Variants in FHIT observed in about 807,000 individuals in gnomAD.
The protein encoded by FHIT is fragile histidine triad diadenosine triphosphatase.
Under a neutral mutation model 17.9 loss-of-function variants are expected in FHIT, and 19 were observed. The observed-to-expected ratio is 1.06, with a 90% CI of 0.74 to 1.56. The LOEUF is 1.56. Ranked by LOEUF, FHIT falls within the 40% of genes most tolerant of loss-of-function variation. The pLI is 0.00. For synonymous variants in FHIT, 81 were observed against 69.7 expected (o/e 1.16, Z -0.81); for missense variants, 248 against 189.2 (o/e 1.31, Z -1.82).
intron 5 of FHIT, among the ~76,000 whole-genome samples, chr3:60,074,926 C>T (rs974772770): frequency 6.6e-6 from 1 of 152,052 alleles, no homozygotes; most frequent in Middle Eastern, 3.2e-3. Context: ...TGACACGTCT[C>T]CCTTTCACTG....
intron 2 of FHIT, among the ~76,000 whole-genome samples, chr3:61,059,059 C>T (rs1381372242): frequency 6.6e-6 from 1 of 152,182 alleles, no homozygotes; most frequent in Non-Finnish European, 1.5e-5. Context: ...CCAGGTTCCC[C>T]AATGTCTGGC....
chr3:60,064,898 C>T (rs1702436787), intron 5 of FHIT, among the ~76,000 whole-genome samples: 1 of 152,166 alleles, frequency 6.6e-6, no homozygotes, highest in African/African-American at 2.4e-5. Flanking sequence ...TCATAATCTT[C>T]CCATTGCATA....
intron 2 of FHIT, among the ~76,000 whole-genome samples, chr3:61,199,217 T>G (rs2038944133): frequency 6.6e-6 from 1 of 152,204 alleles, no homozygotes; most frequent in African/African-American, 2.4e-5. Context: ...GAAAATGGAC[T>G]GTGCCTGTGT....
intron 8 of FHIT, among the ~76,000 whole-genome samples, chr3:59,833,869 G>A (rs941173968): frequency 6.6e-6 from 1 of 152,106 alleles, no homozygotes; most frequent in African/African-American, 2.4e-5. Context: ...TGGCTTAAGT[G>A]TATGGCACTT....
chr3:61,233,076 G>A (rs368048173), intron 1 of FHIT, among the ~76,000 whole-genome samples: 1 of 152,170 alleles, frequency 6.6e-6, no homozygotes, highest in African/African-American at 2.4e-5. Flanking sequence ...ATATTGTTTT[G>A]TAAAAATAAA....
At chr3:60,550,178 C>G (rs2036498608) in intron 4 of FHIT, among the ~76,000 whole-genome samples, 2 of 152,260 alleles carry the variant, frequency 1.3e-5, no homozygotes, top group South Asian at 4.1e-4. Context: ...TCTGATCTGG[C>G]CCCGCTCTGA....
intron 8 of FHIT, among the ~76,000 whole-genome samples, chr3:59,915,133 G>A (rs1705069675): frequency 6.6e-6 from 1 of 152,152 alleles, no homozygotes; most frequent in Non-Finnish European, 1.5e-5. Flanking sequence ...CAGCAACAAG[G>A]ACACCTCGGA....
intron 3 of FHIT, among the ~76,000 whole-genome samples, chr3:60,993,469 C>T (rs187167923): frequency 6.6e-6 from 1 of 152,304 alleles, no homozygotes; most frequent in African/African-American, 2.4e-5. Context: ...CTCCTTCTTT[C>T]TGTGTGTTTA....
At chr3:61,066,157 C>A (rs1016455873) in intron 2 of FHIT, among the ~76,000 whole-genome samples, 1 of 152,110 alleles carries the variant, frequency 6.6e-6, no homozygotes, top group Non-Finnish European at 1.5e-5. Context: ...AATAGTGAAC[C>A]CATTAACATA....
chr3:60,910,472 C>T (rs924507188), intron 3 of FHIT, among the ~76,000 whole-genome samples: 5 of 149,492 alleles, frequency 3.3e-5, no homozygotes, highest in Non-Finnish European at 7.4e-5. Flanking sequence ...AGTGCAGTGG[C>T]GCAATCTTGG....
intron 3 of FHIT, among the ~76,000 whole-genome samples, chr3:61,014,219 C>T (rs999150406): frequency 3.0e-4 from 45 of 152,118 alleles, no homozygotes; most frequent in African/African-American, 1.1e-3. Context: ...TTAAAGATCC[C>T]TTCCAGCAAT....
chr3:60,037,088 G>A (rs948046615), intron 5 of FHIT, among the ~76,000 whole-genome samples: 2 of 152,174 alleles, frequency 1.3e-5, no homozygotes, highest in Non-Finnish European at 2.9e-5. Flanking sequence ...GTCACGGTCC[G>A]ACGTTAAGAC....
chr3:59,847,026 A>G (rs1207965457), intron 8 of FHIT, among the ~76,000 whole-genome samples: 2 of 152,172 alleles, frequency 1.3e-5, no homozygotes, highest in Non-Finnish European at 2.9e-5. Flanking sequence ...TCTGACTTTC[A>G]ATAGTAGTAT....
At chr3:59,752,963 T>A (rs1701002328) in intron 8 of FHIT, among the ~76,000 whole-genome samples, 1 of 152,146 alleles carries the variant, frequency 6.6e-6, no homozygotes, top group Non-Finnish European at 1.5e-5. Flanking sequence ...AGTGGGGGAA[T>A]GGGGAGCATT....
chr3:60,275,345 A>C (rs928289276), intron 5 of FHIT, among the ~76,000 whole-genome samples: 2 of 152,172 alleles, frequency 1.3e-5, no homozygotes, highest in Non-Finnish European at 1.5e-5. Flanking sequence ...ACTTTGTCTA[A>C]ACTCTTGTCC....
At chr3:60,110,823 C>T (rs971328571) in intron 5 of FHIT, among the ~76,000 whole-genome samples, 1 of 152,196 alleles carries the variant, frequency 6.6e-6, no homozygotes, top group African/African-American at 2.4e-5. Flanking sequence ...TTTCTTCCCA[C>T]TTTAGGACTT....
intron 9 of FHIT, chr3:59,750,840 G>C (rs1700856907): frequency 4.9e-6 from 1 of 205,818 alleles, no homozygotes; most frequent in Non-Finnish European, 9.9e-6. Context: ...CAATGAATGT[G>C]TTTTCTAGCT....
At chr3:61,072,815 T>TA (rs1178015493) in intron 2 of FHIT, among the ~76,000 whole-genome samples, 4 of 151,764 alleles carry the variant, frequency 2.6e-5, no homozygotes, top group Admixed American at 6.6e-5. Context: ...AAATAAAAAA[T>TA]AAAAAAAAGT....
At chr3:60,398,548 G>A (rs1701542257) in intron 5 of FHIT, among the ~76,000 whole-genome samples, 1 of 152,118 alleles carries the variant, frequency 6.6e-6, no homozygotes, top group Non-Finnish European at 1.5e-5. Context: ...AGGTATTAAT[G>A]CCACACCCAC....
Sources: gnomAD v4.1 joint callset for allele counts (sites outside exome capture counted in the v4.1 genomes callset) on GRCh38, gnomAD v4.1.1 for gene constraint, MANE v1.5 for transcripts, NCBI Gene and HGNC (gene_info 2026-07-23, HGNC 2026-07-21) for gene names.